SLC26A11: variants seen among roughly 807,000 people sequenced by gnomAD.
The protein encoded by SLC26A11 is solute carrier family 26 member 11, also known as sodium-independent sulfate anion transporter.
SLC26A11 carries 58 observed loss-of-function variants against 62.2 expected under a neutral mutation model. That is an observed-to-expected ratio of 0.93 (90% CI 0.76 to 1.16). The LOEUF (loss-of-function observed/expected upper bound fraction) is 1.16, where lower values mean the gene tolerates loss of function less well. Among genes scored for constraint, SLC26A11 ranks in the 50% most tolerant of loss-of-function variants. The pLI is 0.00. For synonymous variants in SLC26A11, 411 were observed against 368.9 expected (o/e 1.11, Z -1.31); for missense variants, 790 against 794.3 (o/e 0.99, Z 0.06).
chr17:80,232,621 G>A (rs1404598108), intron 7 of SLC26A11, among the ~76,000 whole-genome samples: 1 of 152,146 alleles, frequency 6.6e-6, no homozygotes, highest in Non-Finnish European at 1.5e-5. Context: ...GCATATAGAT[G>A]GGATTTGTTT....
chr17:80,243,046 G>A (rs185422352), intron 10 of SLC26A11, among the ~76,000 whole-genome samples: 49 of 152,284 alleles, frequency 3.2e-4, no homozygotes, highest in African/African-American at 1.1e-3. Flanking sequence ...ACTAAATGGT[G>A]GGTCCCAGGC....
Position 80,251,329 on chromosome 17 carries a change from G to T in SLC26A11, c.1657G>T (p.Val553Phe), listed in dbSNP as rs200590347. Reference protein sequence around the residue: ...GVALAFVGLQVPVLRVLLSAD... With the variant: ...GVALAFVGLQFPVLRVLLSAD... Reference sequence around the variant, plus strand: ...TGGCTAAAGTCTGTCTGTCTCTCAGGTCCCCGTTCTCCGTGTCCTGCTGTC... The same window carrying T: ...TGGCTAAAGTCTGTCTGTCTCTCAGTTCCCCGTTCTCCGTGTCCTGCTGTC... Residue 553 changes from valine to phenylalanine, a missense_variant and splice_region_variant, in exon 17 of 18, where the codon GTC (valine) becomes TTC (phenylalanine). Transcript: ENST00000361193. The T allele has an allele frequency of 1.9e-6, 3 of 1,614,038 alleles. No individual in the cohort carries two copies. The highest frequency in any genetic ancestry group is 2.2e-5 in the East Asian group (1 of 44,880).
chr17:80,221,448 C>A, intron 2 of SLC26A11, 100 bp from the exon 3 acceptor site: 1 of 809,764 alleles, frequency 1.2e-6, no homozygotes, highest in South Asian at 1.8e-5. Flanking sequence ...AGGGGAGACC[C>A]ATAGTGACCT....
rs1371476558 is a variant in SLC26A11, at chr17:80,249,148, C to T, written c.1523-6C>T. ...GGCGTGACCTGGCTCGGGCCTGTCTCCCCAGTGTCCCCGCCACGCTGCCTG... is the reference window on the plus strand; with the variant it reads ...GGCGTGACCTGGCTCGGGCCTGTCTTCCCAGTGTCCCCGCCACGCTGCCTG... On this transcript the variant is annotated splice_region_variant and splice_polypyrimidine_tract_variant and intron_variant, in intron 15 of 17. Transcript: ENST00000361193. 1 of 1,604,118 alleles carries T rather than the reference C, an allele frequency of 6.2e-7. No homozygotes were observed. The highest frequency in any genetic ancestry group is 1.3e-5 in the African/African-American group (1 of 74,946).
At chr17:80,251,430 T>C in intron 17 of SLC26A11, 29 bp downstream of exon 17, 1 of 1,612,254 alleles carries the variant, frequency 6.2e-7, no homozygotes, top group Non-Finnish European at 8.5e-7. Flanking sequence ...CCTGTGGCTT[T>C]GGTGATTTTG....
At chr17:80,238,811 G>GTTTTTTTTTTTTTTTTTTTTT (rs1276063968) in intron 9 of SLC26A11, among the ~76,000 whole-genome samples, 1 of 123,226 alleles carries the variant, frequency 8.1e-6, no homozygotes, top group African/African-American at 3.4e-5. Flanking sequence ...CTTCAAAGGA[G>GTTTTTTTTTTTTTTTTTTTTT]TTTTTTTTGT....
chr17:80,238,578 C>A (rs1035121355), intron 9 of SLC26A11, among the ~76,000 whole-genome samples: 1 of 152,154 alleles, frequency 6.6e-6, no homozygotes, highest in African/African-American at 2.4e-5. Context: ...TTCACTCGCT[C>A]CACTCCTGCC....
Position 80,251,388 on chromosome 17 carries a change from C to T in SLC26A11, c.1716C>T (p.Thr572=), listed in dbSNP as rs1165335396. ...TGAAGGGGTTCCAGTACTTCTCTAC[C>T]CTGGAAGAAGCAGGTGGGCACAGTC... ...ADLKGFQYFS[T]LEEAEKHLRQ... Residue 572 remains threonine (T), a synonymous_variant, in exon 17 of 18, where the codon ACC becomes ACT. Coordinates refer to ENST00000361193, the MANE Select transcript of SLC26A11 (RefSeq NM_001166347.2). 3.7e-6 allele frequency: 6 copies of T among 1,613,970 alleles called. No homozygotes were observed. Among genetic ancestry groups the T allele is most frequent in the East Asian group, 2.2e-5 (1 of 44,890 alleles).
At chr17:80,241,276 T>G (rs1327037973) in intron 9 of SLC26A11, among the ~76,000 whole-genome samples, 1 of 152,200 alleles carries the variant, frequency 6.6e-6, no homozygotes, top group Non-Finnish European at 1.5e-5. Context: ...TTGTTGTTGT[T>G]TGAGACAGGG....
In SLC26A11 at chr17:80,246,632, C is replaced by T. The variant is rs774813599; in HGVS notation, c.1277C>T (p.Thr426Met). 29 of 1,613,762 alleles carry T rather than the reference C, an allele frequency of 1.8e-5. No individual in the cohort carries two copies. The highest frequency in any genetic ancestry group is 8.9e-5 in the East Asian group (4 of 44,900). Residue 426 changes from threonine (T) to methionine (M), a missense_variant, in exon 13 of 18, where the codon ACG becomes ATG. Coordinates refer to ENST00000361193, the MANE Select transcript of SLC26A11 (RefSeq NM_001166347.2). The surrounding 1 kb of genome is among the most constrained non-coding windows in gnomAD (Gnocchi z 4.4). ...CTGTTCGACACCAAGATCTTCAGGA[C>T]GCTCTGGCGTGTTAAGAGTACGTCC... ...APLFDTKIFR[T>M]LWRVKRLDLL...
At position 80,224,320 on chromosome 17, in the gene SLC26A11, AGT is replaced by A. The variant is rs772784235; in HGVS notation, c.513+988_513+989del. Among the ~76,000 whole-genome samples the A allele has an allele frequency of 4.6e-3, 582 of 126,370 alleles. 6 individuals are homozygous for A. Among genetic ancestry groups the A allele is most frequent in the African/African-American group, 0.018 (533 of 29,570 alleles). The allele number at this position is 126,370 out of a possible 152,430, so 82.9% of individuals were successfully genotyped here. A position where few individuals can be genotyped will look rare whatever the true frequency, so the allele number is the denominator to read the frequency against. On this transcript the variant is annotated intron_variant, in intron 5 of 17. Coordinates refer to ENST00000361193, the MANE Select transcript of SLC26A11 (RefSeq NM_001166347.2). ...GTGCGTGTGTGTGTGAGAGAGTGTG[AGT>A]GTGTATGAGTGAGAGTGTGAGAGTG...
intron 9 of SLC26A11, among the ~76,000 whole-genome samples, chr17:80,239,294 G>A (rs1373153067): frequency 6.6e-6 from 1 of 151,544 alleles, no homozygotes; most frequent in Non-Finnish European, 1.5e-5. Flanking sequence ...GATCATACTG[G>A]TCTCAAACTC....
rs375545109 is a variant in SLC26A11 at position 80,222,882 on chromosome 17, C to G, written c.427+35C>G. On this transcript the variant is annotated intron_variant, in intron 4 of 17. Coordinates refer to ENST00000361193, the MANE Select transcript of SLC26A11 (RefSeq NM_001166347.2). The surrounding 1 kb of genome is among the most constrained non-coding windows in gnomAD (Gnocchi z 4.7). ...TACCTTCTTGCCAAGGGGATGCCCT[C>G]GACCTCAGCATTTGCTTGTTTGCAT... The G allele has an allele frequency of 1.2e-6, 2 of 1,604,938 alleles. No individual in the cohort carries two copies. The highest frequency in any genetic ancestry group is 1.7e-6 in the Non-Finnish European group (2 of 1,173,986).
chr17:80,240,804 C>A (rs925711739), intron 9 of SLC26A11, among the ~76,000 whole-genome samples: 1 of 150,274 alleles, frequency 6.7e-6, no homozygotes, highest in Non-Finnish European at 1.5e-5. Context: ...CTCCATCTAA[C>A]AAAATGAAAA....
intron 5 of SLC26A11, among the ~76,000 whole-genome samples, chr17:80,224,612 A>G (rs1183089969): frequency 1.1e-4 from 16 of 152,070 alleles, no homozygotes; most frequent in Non-Finnish European, 2.4e-4. Context: ...GGACCAACTT[A>G]GGTGTGGGTG....
chr17:80,230,693 G>A (rs1377025127), intron 7 of SLC26A11, among the ~76,000 whole-genome samples: 3 of 152,132 alleles, frequency 2.0e-5, no homozygotes, highest in Non-Finnish European at 4.4e-5. Flanking sequence ...TCCGCAGCCA[G>A]AAAGGTCTTT....
chr17:80,246,548 T>A lies in SLC26A11; in HGVS notation c.1193T>A (p.Leu398Gln). The A allele has an allele frequency of 1.9e-6, 3 of 1,613,556 alleles. No homozygotes were observed. Among genetic ancestry groups the A allele is most frequent in the Non-Finnish European group, 2.5e-6 (3 of 1,180,016 alleles). The change falls in exon 13 of 18, where the codon CTG becomes CAG. Residue 398 changes from leucine (L) to glutamine (Q), a missense_variant. Leu to Gln is a moderately radical substitution (Grantham distance 113). Coordinates refer to ENST00000361193, the MANE Select transcript of SLC26A11 (RefSeq NM_001166347.2). This position sits in a 1 kb window ranked among gnomAD's most constrained non-coding sequence, Gnocchi z 4.4. ...VLLSLDYLTS[L>Q]FYYIPKSALA... Reference sequence around the variant, plus strand: ...CTGTCTCTGGACTACCTGACCTCACTGTTCTACTACATCCCCAAGTCTGCC... The same window carrying A: ...CTGTCTCTGGACTACCTGACCTCACAGTTCTACTACATCCCCAAGTCTGCC...
At position 80,222,044 on chromosome 17, in the gene SLC26A11, C is replaced by A. The variant is rs569802411; in HGVS notation, c.234+250C>A. ...CATGGAGGCCTCAGGAGTTCAAGAC[C>A]AGCCCGACCAAAATGGTGAAACCCC... On this transcript the variant is annotated intron_variant, in intron 3 of 17. Coordinates refer to ENST00000361193, the MANE Select transcript of SLC26A11 (RefSeq NM_001166347.2). The surrounding 1 kb of genome is among the most constrained non-coding windows in gnomAD (Gnocchi z 4.7). 2.0e-4 allele frequency: 94 copies of A among 475,614 alleles called. 1 individual carries two copies. Among genetic ancestry groups the A allele is most frequent in the Non-Finnish European group, 3.3e-4 (89 of 272,972 alleles). The allele number at this position is 475,614 out of a possible 1,614,324, so 29.5% of individuals were successfully genotyped here.
At chr17:80,237,221 G>A (rs1598818338) in intron 8 of SLC26A11, 118 bp downstream of exon 8, 2 of 1,232,830 alleles carry the variant, frequency 1.6e-6, no homozygotes, top group East Asian at 2.5e-5. Context: ...GGACAGCTGA[G>A]TCCTCAGGAA....
Sources: allele counts gnomAD v4.1 joint callset (sites outside exome capture counted in the v4.1 genomes callset), GRCh38; gene constraint gnomAD v4.1.1; non-coding constraint Gnocchi (gnomAD v3.1); transcripts MANE v1.5; gene names NCBI Gene and HGNC (gene_info 2026-07-23, HGNC 2026-07-21).